PTPRD: variants seen among roughly 807,000 people sequenced by gnomAD.
The protein encoded by PTPRD is protein tyrosine phosphatase receptor type D, also known as receptor-type tyrosine-protein phosphatase delta.
Under a neutral mutation model 214.5 loss-of-function variants are expected in PTPRD, and 34 were observed. The ratio of observed to expected loss-of-function variants is 0.16; its 90% CI spans 0.12 to 0.21. PTPRD has a LOEUF of 0.21. Among genes scored for constraint, PTPRD ranks in the 10% least tolerant of loss-of-function variants. The probability of loss-of-function intolerance (pLI) is 1.00; values close to 1 mark genes in which losing one functional copy is unlikely to be tolerated. For synonymous variants in PTPRD, 1,128 were observed against 845.7 expected, an observed-to-expected ratio of 1.33 and a Z score of -5.79; for missense variants, 2,545 against 2,398.7, an observed-to-expected ratio of 1.06 and a Z score of -1.27.
intron 10 of PTPRD, among the ~76,000 whole-genome samples, chr9:9,110,669 T>G (rs2099804795): frequency 6.6e-6 from 1 of 151,920 alleles, no homozygotes; most frequent in Admixed American, 6.6e-5. Flanking sequence ...ACCAAATAGC[T>G]CTCAAATATA....
chr9:9,066,797 G>T (rs944755000), intron 10 of PTPRD, among the ~76,000 whole-genome samples: 2 of 152,204 alleles, frequency 1.3e-5, no homozygotes, highest in Non-Finnish European at 2.9e-5. Context: ...GGGCTTTCTC[G>T]CAGAACTTTG....
intron 14 of PTPRD, among the ~76,000 whole-genome samples, chr9:8,623,724 G>A (rs538554557): frequency 6.6e-6 from 1 of 151,680 alleles, no homozygotes; most frequent in Non-Finnish European, 1.5e-5. Flanking sequence ...ATCTCGACTT[G>A]ATAGACAGAT....
At chr9:9,102,190 C>A (rs142932753) in intron 10 of PTPRD, among the ~76,000 whole-genome samples, 5 of 152,052 alleles carry the variant, frequency 3.3e-5, no homozygotes, top group Non-Finnish European at 5.9e-5. Flanking sequence ...GTTGTAGCTG[C>A]TCCATTATTT....
At chr9:10,188,318 C>T (rs753131417) in intron 3 of PTPRD, among the ~76,000 whole-genome samples, 1 of 152,062 alleles carries the variant, frequency 6.6e-6, no homozygotes, top group Non-Finnish European at 1.5e-5. Flanking sequence ...CCTTAATACT[C>T]TGTTTAATCT....
chr9:9,764,164 T>A (rs1382066017), intron 6 of PTPRD, among the ~76,000 whole-genome samples: 1 of 152,192 alleles, frequency 6.6e-6, no homozygotes, highest in Non-Finnish European at 1.5e-5. Flanking sequence ...CCTAATGCCA[T>A]ATGACACATA....
chr9:8,393,961 A>G (rs144772942), intron 36 of PTPRD, among the ~76,000 whole-genome samples: 12 of 152,260 alleles, frequency 7.9e-5, no homozygotes, highest in East Asian at 3.9e-4. Flanking sequence ...TGTAAAGCCG[A>G]CAGAGATTGT....
chr9:9,385,552 G>A (rs1375057129), intron 9 of PTPRD, among the ~76,000 whole-genome samples: 1 of 152,130 alleles, frequency 6.6e-6, no homozygotes, highest in African/African-American at 2.4e-5. Flanking sequence ...AGTCCTTTCA[G>A]TGAGCAAGTA....
intron 39 of PTPRD, among the ~76,000 whole-genome samples, chr9:8,350,963 CTAGAAATCTAG>C (rs1215820618): frequency 1.3e-5 from 2 of 151,868 alleles, no homozygotes; most frequent in Non-Finnish European, 2.9e-5. Context: ...ACCTCCAACT[CTAGAAATCTAG>C]CACGGAGGTC....
chr9:10,541,627 T>C (rs892338123), intron 2 of PTPRD, among the ~76,000 whole-genome samples: 5 of 151,980 alleles, frequency 3.3e-5, no homozygotes, highest in African/African-American at 1.2e-4. Context: ...TATATGTTTG[T>C]TATTCTTTAT....
At chr9:8,948,129 C>T (rs1468852544) in intron 11 of PTPRD, among the ~76,000 whole-genome samples, 1 of 150,630 alleles carries the variant, frequency 6.6e-6, no homozygotes, top group Non-Finnish European at 1.5e-5. Context: ...GAGCGATTCT[C>T]CTGCCTCAGT....
At chr9:9,396,076 A>T (rs1037444363) in intron 9 of PTPRD, among the ~76,000 whole-genome samples, 2 of 152,050 alleles carry the variant, frequency 1.3e-5, no homozygotes, top group Non-Finnish European at 2.9e-5. Flanking sequence ...AATAAGAGGG[A>T]AAACAGACAT....
intron 4 of PTPRD, among the ~76,000 whole-genome samples, chr9:9,987,427 A>G (rs2095755675): frequency 1.3e-5 from 2 of 152,136 alleles, no homozygotes; most frequent in African/African-American, 4.8e-5. Flanking sequence ...GGCAAGGAGG[A>G]GCAAGTCACG....
At chr9:8,343,794 G>C (rs1854857446) in intron 39 of PTPRD, among the ~76,000 whole-genome samples, 1 of 152,062 alleles carries the variant, frequency 6.6e-6, no homozygotes. Context: ...GCTCAACAGT[G>C]TTTGTGAAAT....
chr9:8,401,081 T>C (rs762461747), intron 36 of PTPRD, among the ~76,000 whole-genome samples: 7 of 152,194 alleles, frequency 4.6e-5, no homozygotes, highest in Non-Finnish European at 1.0e-4. Flanking sequence ...TAATATTATA[T>C]ATTCTGTTTA....
At chr9:8,745,461 G>A (rs1285792045) in intron 11 of PTPRD, among the ~76,000 whole-genome samples, 1 of 152,148 alleles carries the variant, frequency 6.6e-6, no homozygotes, top group Non-Finnish European at 1.5e-5. Flanking sequence ...CGGGGTATAG[G>A]AAGGCAGGAT....
At chr9:10,120,930 T>C (rs1346702133) in intron 3 of PTPRD, among the ~76,000 whole-genome samples, 4 of 152,184 alleles carry the variant, frequency 2.6e-5, no homozygotes, top group South Asian at 4.1e-4. Context: ...AAAGCTCACG[T>C]AGACATTGAA....
intron 7 of PTPRD, among the ~76,000 whole-genome samples, chr9:9,668,677 G>A (rs1187135382): frequency 1.3e-5 from 2 of 152,068 alleles, no homozygotes; most frequent in East Asian, 3.8e-4. Context: ...ACATTCTAAA[G>A]CTACTTTTAC....
At chr9:10,028,453 A>C (rs1490413745) in intron 4 of PTPRD, among the ~76,000 whole-genome samples, 1 of 152,144 alleles carries the variant, frequency 6.6e-6, no homozygotes, top group African/African-American at 2.4e-5. Flanking sequence ...GGCTCAGAAG[A>C]AGACAAGAAA....
chr9:9,756,253 T>A (rs142723236), intron 6 of PTPRD, among the ~76,000 whole-genome samples: 1 of 152,256 alleles, frequency 6.6e-6, no homozygotes, highest in East Asian at 1.9e-4. Context: ...CATTAGCTTC[T>A]AAATAAGACA....
Sources: allele counts gnomAD v4.1 joint callset (sites outside exome capture counted in the v4.1 genomes callset), GRCh38; gene constraint gnomAD v4.1.1; transcripts MANE v1.5; gene names NCBI Gene and HGNC (gene_info 2026-07-23, HGNC 2026-07-21).